Variants in PDE6D observed in about 807,000 individuals in gnomAD.
PDE6D encodes retinal rod rhodopsin-sensitive cGMP 3',5'-cyclic phosphodiesterase subunit delta.
In PDE6D, 10 loss-of-function variants were observed where a neutral mutation model predicts 21.9. That is an observed-to-expected ratio of 0.46 (90% CI 0.28 to 0.78). PDE6D has a LOEUF of 0.78. Ranked by LOEUF, PDE6D falls within the 30% of genes least tolerant of loss-of-function variation. The pLI is 0.12. For missense variants in PDE6D, 139 were observed against 184.8 expected, an observed-to-expected ratio of 0.75 and a Z score of 1.44; for synonymous variants, 59 against 63.5, an observed-to-expected ratio of 0.93 and a Z score of 0.34.
intron 1 of PDE6D, among the ~76,000 whole-genome samples, chr2:231,773,488 T>C (rs2049030686): frequency 6.6e-6 from 1 of 152,214 alleles, no homozygotes; most frequent in Non-Finnish European, 1.5e-5. Flanking sequence ...TACCAGGGAA[T>C]ACTGACTTTC....
intron 1 of PDE6D, among the ~76,000 whole-genome samples, chr2:231,749,329 C>T (rs2048819326): frequency 1.3e-5 from 2 of 152,154 alleles, no homozygotes; most frequent in African/African-American, 4.8e-5. Context: ...GGATTTTGGA[C>T]TTGCATGGGC....
chr2:231,775,346 T>A (rs1191565476), intron 1 of PDE6D, among the ~76,000 whole-genome samples: 1 of 152,022 alleles, frequency 6.6e-6, no homozygotes, highest in East Asian at 1.9e-4. Flanking sequence ...CTCACTCTGT[T>A]ACCCTGGTTG....
intron 1 of PDE6D, among the ~76,000 whole-genome samples, chr2:231,764,567 A>C (rs1161904353): frequency 1.3e-5 from 2 of 152,240 alleles, no homozygotes; most frequent in Admixed American, 1.3e-4. Flanking sequence ...ACAGGAAATC[A>C]ACAGGCAACC....
chr2:231,768,027 G>C (rs1158879333), intron 1 of PDE6D, among the ~76,000 whole-genome samples: 1 of 151,620 alleles, frequency 6.6e-6, no homozygotes, highest in Non-Finnish European at 1.5e-5. Context: ...TGTATTTTTG[G>C]TAGAGGCAGG....
chr2:231,747,001 G>A (rs2048799033), intron 1 of PDE6D, among the ~76,000 whole-genome samples: 1 of 152,214 alleles, frequency 6.6e-6, no homozygotes, highest in African/African-American at 2.4e-5. Flanking sequence ...ATGAGAACAG[G>A]AGGAAGACTA....
intron 1 of PDE6D, among the ~76,000 whole-genome samples, chr2:231,765,585 T>C (rs970051603): frequency 6.6e-6 from 1 of 152,308 alleles, no homozygotes; most frequent in Admixed American, 6.5e-5. Context: ...TATATGCTAA[T>C]GTCTACTATG....
intron 1 of PDE6D, among the ~76,000 whole-genome samples, chr2:231,741,671 G>T (rs2048751180): frequency 6.6e-6 from 1 of 151,980 alleles, no homozygotes; most frequent in South Asian, 2.1e-4. Flanking sequence ...GAGATTTTGG[G>T]GTCAAATTCA....
At chr2:231,774,315 T>C (rs185001481) in intron 1 of PDE6D, among the ~76,000 whole-genome samples, 1 of 152,344 alleles carries the variant, frequency 6.6e-6, no homozygotes, top group East Asian at 1.9e-4. Flanking sequence ...ACATCTTTTA[T>C]GCAGTTTCAT....
At chr2:231,777,855 A>G (rs1420259244) in intron 1 of PDE6D, among the ~76,000 whole-genome samples, 2 of 152,272 alleles carry the variant, frequency 1.3e-5, no homozygotes, top group Admixed American at 1.3e-4. Context: ...AATACGTTCC[A>G]GGTGGATTAA....
chr2:231,771,361 G>A (rs965527737), intron 1 of PDE6D, among the ~76,000 whole-genome samples: 4 of 152,150 alleles, frequency 2.6e-5, no homozygotes, highest in Admixed American at 1.3e-4. Flanking sequence ...TAGAAAACAT[G>A]GACTTTTAAA....
intron 1 of PDE6D, among the ~76,000 whole-genome samples, chr2:231,747,650 C>T (rs1311046571): frequency 1.3e-5 from 2 of 152,208 alleles, no homozygotes; most frequent in East Asian, 1.9e-4. Flanking sequence ...CAATCCCTGG[C>T]TTTCCTCTGC....
At chr2:231,756,709 A>C (rs2048885526) in intron 1 of PDE6D, among the ~76,000 whole-genome samples, 1 of 147,134 alleles carries the variant, frequency 6.8e-6, no homozygotes, top group Non-Finnish European at 1.5e-5. Context: ...CAAAGTGTTG[A>C]GATTATAGGC....
chr2:231,746,607 T>C (rs1176492766), intron 1 of PDE6D, among the ~76,000 whole-genome samples: 3 of 152,088 alleles, frequency 2.0e-5, no homozygotes, highest in South Asian at 2.1e-4. Flanking sequence ...TAAATGGAAA[T>C]AGTCAACATC....
chr2:231,745,180 G>A (rs1212163038), intron 1 of PDE6D, among the ~76,000 whole-genome samples: 3 of 151,588 alleles, frequency 2.0e-5, no homozygotes, highest in African/African-American at 7.3e-5. Flanking sequence ...GTCCTCAAAA[G>A]AGGAAACTTC....
intron 1 of PDE6D, among the ~76,000 whole-genome samples, chr2:231,775,740 C>T (rs1373306074): frequency 6.6e-6 from 1 of 151,906 alleles, no homozygotes; most frequent in Non-Finnish European, 1.5e-5. Context: ...AATGCTTATC[C>T]TATTGATTTG....
intron 2 of PDE6D, among the ~76,000 whole-genome samples, chr2:231,738,559 G>A (rs887053234): frequency 6.6e-6 from 1 of 152,124 alleles, no homozygotes; most frequent in Admixed American, 6.6e-5. Flanking sequence ...CTATCTTTGG[G>A]TATGTTCTAA....
Position 231,777,685 on chromosome 2 carries a change from CA to C in PDE6D, c.50+3379del, listed in dbSNP as rs147153722. On this transcript the variant is annotated intron_variant, in intron 1 of 4. Coordinates refer to ENST00000287600, the MANE Select transcript of PDE6D (RefSeq NM_002601.4). ...ATAGATCAATGAAACAGAAATAATC[CA>C]AAAAAAAACCTATGTCTTATGAAAA... 1.4e-4 allele frequency among the ~76,000 whole-genome samples: 21 copies of C among 149,612 alleles called. No individual in the cohort carries two copies. The East Asian group carries it at 2.9e-3, about 21-fold the overall frequency.
At chr2:231,764,728 C>G (rs1044237426) in intron 1 of PDE6D, among the ~76,000 whole-genome samples, 1 of 152,178 alleles carries the variant, frequency 6.6e-6, no homozygotes, top group Non-Finnish European at 1.5e-5. Context: ...CACCTCCTAT[C>G]CTGGCCACTT....
intron 4 of PDE6D, among the ~76,000 whole-genome samples, chr2:231,733,904 G>A (rs2048671781): frequency 6.6e-6 from 1 of 152,024 alleles, no homozygotes; most frequent in Admixed American, 6.6e-5. Flanking sequence ...TAGGGCAACT[G>A]TTTTTGGGGG....
Sources: allele counts gnomAD v4.1 joint callset (sites outside exome capture counted in the v4.1 genomes callset), GRCh38; gene constraint gnomAD v4.1.1; transcripts MANE v1.5; gene names NCBI Gene and HGNC (gene_info 2026-07-23, HGNC 2026-07-21).